SEC14L1: variants seen among roughly 807,000 people sequenced by gnomAD.
SEC14L1 encodes SEC14 like lipid binding 1.
A neutral mutation model predicts 85.3 loss-of-function variants in SEC14L1; 48 were observed. The ratio of observed to expected loss-of-function variants is 0.56; its 90% confidence interval spans 0.45 to 0.72. The LOEUF is 0.72. Among genes scored for constraint, SEC14L1 ranks in the 30% least tolerant of loss-of-function variants. The pLI is 0.00. For missense variants in SEC14L1, 682 were observed against 921.4 expected (o/e 0.74, Z 3.36); for synonymous variants, 391 against 355.5 (o/e 1.10, Z -1.12).
upstream of SEC14L1, among the ~76,000 whole-genome samples, chr17:77,136,843 T>C (rs1000840998): frequency 2.6e-5 from 4 of 151,962 alleles, no homozygotes; most frequent in Non-Finnish European, 5.9e-5. Context: ...TACTTGAGAC[T>C]GGGTAATTTA....
chr17:77,093,005 T>A (rs1471335742), intron 2 of SEC14L1, among the ~76,000 whole-genome samples: 1 of 148,782 alleles, frequency 6.7e-6, no homozygotes, highest in Non-Finnish European at 1.5e-5. Context: ...GAAGTCCTTG[T>A]GATGTCTTTG....
intron 3 of SEC14L1, among the ~76,000 whole-genome samples, chr17:77,174,860 C>G (rs1974680789): frequency 6.6e-6 from 1 of 152,236 alleles, no homozygotes; most frequent in South Asian, 2.1e-4. Context: ...CAAGAGCACA[C>G]TGAACAAAGG....
At chr17:77,113,605 G>A (rs1032541329) in intron 3 of SEC14L1, among the ~76,000 whole-genome samples, 3 of 152,134 alleles carry the variant, frequency 2.0e-5, no homozygotes, top group African/African-American at 7.2e-5. Context: ...AATTAGCCAG[G>A]TGTGGTAGCA....
rs74588194 is a variant in SEC14L1 at position 77,214,140 on chromosome 17, A to C, written c.*117A>C. On this transcript the variant is annotated 3_prime_UTR_variant, in exon 17 of 17. Coordinates refer to ENST00000436233, the MANE Select transcript of SEC14L1 (RefSeq NM_001143998.2). The stretch of plus-strand genomic sequence containing the variant: ...AGACTCCTCTCACCTCTAGATAGCA[A>C]ATAGCTCTCAGATGGTAAACGTAGT... The C allele has an allele frequency of 2.0e-6, 3 of 1,468,028 alleles. No individual in the cohort carries two copies. Among genetic ancestry groups the C allele is most frequent in the African/African-American group, 1.4e-5 (1 of 70,674 alleles). 90.9% of individuals were successfully genotyped at this position (1,468,028 alleles called of 1,614,324 possible).
At chr17:77,165,001 G>A (rs1427083335) in intron 3 of SEC14L1, among the ~76,000 whole-genome samples, 5 of 152,166 alleles carry the variant, frequency 3.3e-5, no homozygotes, top group Non-Finnish European at 7.3e-5. Flanking sequence ...AAACGTTAAT[G>A]CCATTAGAAG....
rs1432881455 is a variant in SEC14L1 at position 77,200,128 on chromosome 17, A to C, written c.820-356A>C. Among the ~76,000 whole-genome samples, 2 of 152,176 alleles carry C rather than the reference A, an allele frequency of 1.3e-5. 1 individual carries two copies. The highest frequency in any genetic ancestry group is 1.3e-4 in the Admixed American group (2 of 15,280). ...CTGCAGTGAGCTGAGATCATGCCAC[A>C]ACACTCCAGCCTGGGTGGCAGAATA... is the stretch of plus-strand genomic sequence containing the variant. On this transcript the variant is annotated intron_variant, in intron 8 of 16. Transcript: ENST00000436233.
Position 77,215,009 on chromosome 17 carries a change from C to T in SEC14L1, c.*986C>T, listed in dbSNP as rs1976967818. On this transcript the variant is annotated 3_prime_UTR_variant, in exon 17 of 17. Transcript: ENST00000436233. The stretch of plus-strand genomic sequence containing the variant: ...AGCTCTCGCATCCACTTCAGGGTGG[C>T]GTGTGGCATGTAGGAGTCCTGCTTC... 5.1e-6 allele frequency: 5 copies of T among 985,328 alleles called. No individual in the cohort carries two copies. The highest frequency in any genetic ancestry group is 4.7e-5 in the South Asian group (1 of 21,294). 61.0% of individuals were successfully genotyped at this position (985,328 alleles called of 1,614,324 possible).
intron 3 of SEC14L1, among the ~76,000 whole-genome samples, chr17:77,170,314 G>T (rs76408060): frequency 0.051 from 7,811 of 152,212 alleles, 311 homozygotes; most frequent in Admixed American, 0.11. Context: ...TGACTTGGGT[G>T]TGATGAGTGC....
chr17:77,193,630 CT>C, intron 6 of SEC14L1, 81 bp downstream of exon 6: 1 of 1,407,892 alleles, frequency 7.1e-7, no homozygotes, highest in Non-Finnish European at 9.8e-7. Flanking sequence ...CTGGGGATGG[CT>C]TAGCAAGGGA....
chr17:77,127,752 A>C (rs1972493881), intron 3 of SEC14L1: 1 of 152,232 alleles, frequency 6.6e-6, no homozygotes, highest in Non-Finnish European at 1.5e-5. Context: ...TTTCATTTGT[A>C]AAACAGTGTC....
chr17:77,187,145 C>G (rs1975300735), intron 3 of SEC14L1, among the ~76,000 whole-genome samples: 1 of 152,156 alleles, frequency 6.6e-6, no homozygotes, highest in Non-Finnish European at 1.5e-5. Flanking sequence ...TATAATAGAG[C>G]TATTCCCAAG....
At chr17:77,147,684 T>G (rs552334457) in intron 3 of SEC14L1, among the ~76,000 whole-genome samples, 7 of 152,154 alleles carry the variant, frequency 4.6e-5, no homozygotes, top group Non-Finnish European at 8.8e-5. Context: ...ACCTGAAACA[T>G]TTTATGAAAG....
chr17:77,140,396 C>T (rs898976251), upstream of SEC14L1, among the ~76,000 whole-genome samples: 2 of 152,228 alleles, frequency 1.3e-5, no homozygotes, highest in African/African-American at 4.8e-5. Flanking sequence ...CACCGGCGTC[C>T]GCCTCCTCCC....
intron 3 of SEC14L1, among the ~76,000 whole-genome samples, chr17:77,130,680 C>T (rs1282047902): frequency 6.6e-6 from 1 of 152,134 alleles, no homozygotes; most frequent in Non-Finnish European, 1.5e-5. Flanking sequence ...AGTACAGTAG[C>T]ATGATCACGG....
At chr17:77,115,354 G>A (rs1361359889) in intron 3 of SEC14L1, among the ~76,000 whole-genome samples, 2 of 151,940 alleles carry the variant, frequency 1.3e-5, no homozygotes, top group Non-Finnish European at 2.9e-5. Context: ...GCTTGAACCC[G>A]GGAGGCAGAG....
intron 9 of SEC14L1, among the ~76,000 whole-genome samples, chr17:77,202,932 AAAAT>A (rs1270252851): frequency 1.7e-5 from 2 of 118,164 alleles, no homozygotes; most frequent in Admixed American, 8.8e-5. Flanking sequence ...AAAAAATAAA[AAAAT>A]AAAAAAAAAA....
chr17:77,197,202 G>A (rs1390168323), intron 8 of SEC14L1, among the ~76,000 whole-genome samples: 1 of 152,186 alleles, frequency 6.6e-6, no homozygotes, highest in East Asian at 1.9e-4. Flanking sequence ...CGCAGGAGTT[G>A]GGGTCATGAA....
At chr17:77,196,761 A>G (rs1383088209) in intron 8 of SEC14L1, among the ~76,000 whole-genome samples, 1 of 152,168 alleles carries the variant, frequency 6.6e-6, no homozygotes, top group Non-Finnish European at 1.5e-5. Context: ...AGTTATTGGC[A>G]TTATTTAGTA....
At chr17:77,147,640 A>G (rs1487668190) in intron 3 of SEC14L1, among the ~76,000 whole-genome samples, 1 of 152,142 alleles carries the variant, frequency 6.6e-6, no homozygotes, top group Non-Finnish European at 1.5e-5. Flanking sequence ...TTCTTTTCTC[A>G]TACTATGCTT....
Sources: allele counts gnomAD v4.1 joint callset (sites outside exome capture counted in the v4.1 genomes callset), GRCh38; gene constraint gnomAD v4.1.1; transcripts MANE v1.5; gene names NCBI Gene and HGNC (gene_info 2026-07-23, HGNC 2026-07-21).